LIMCH1: variants seen among roughly 807,000 people sequenced by gnomAD.
LIMCH1 encodes LIM and calponin homology domains-containing protein 1.
Under a neutral mutation model 176.5 loss-of-function variants are expected in LIMCH1, and 113 were observed. The ratio of observed to expected loss-of-function variants is 0.64; its 90% CI spans 0.55 to 0.75. The LOEUF (loss-of-function observed/expected upper bound fraction) is 0.75. LIMCH1 is among the 30% of genes least tolerant of loss of function. The pLI is 0.00. For synonymous variants in LIMCH1, 619 were observed against 645.9 expected, an observed-to-expected ratio of 0.96 and a Z score of 0.63; for missense variants, 1,674 against 1,814.9, an observed-to-expected ratio of 0.92 and a Z score of 1.41.
intron 1 of LIMCH1, chr4:41,385,934 G>T (rs1217415949): frequency 6.6e-6 from 1 of 152,254 alleles, no homozygotes; most frequent in Non-Finnish European, 1.5e-5. Flanking sequence ...AGCTGCAGGG[G>T]TTGGTGGGGG....
chr4:41,364,347 A>G (rs563312359), intron 1 of LIMCH1, among the ~76,000 whole-genome samples: 2 of 150,974 alleles, frequency 1.3e-5, no homozygotes, highest in African/African-American at 4.9e-5. Flanking sequence ...TATCATTATG[A>G]TAATTATTAC....
intron 1 of LIMCH1, among the ~76,000 whole-genome samples, chr4:41,387,448 A>T (rs2056649403): frequency 6.6e-6 from 1 of 152,266 alleles, no homozygotes; most frequent in Non-Finnish European, 1.5e-5. Context: ...GACCAAAAAA[A>T]TTATTGAATC....
At chr4:41,564,231 C>T (rs1368344699) in intron 1 of LIMCH1, among the ~76,000 whole-genome samples, 1 of 152,080 alleles carries the variant, frequency 6.6e-6, no homozygotes, top group Non-Finnish European at 1.5e-5. Context: ...GAGTAACTTG[C>T]CCAAGGTGGT....
intron 1 of LIMCH1, among the ~76,000 whole-genome samples, chr4:41,541,546 C>A (rs1249715591): frequency 6.6e-6 from 1 of 152,236 alleles, no homozygotes; most frequent in Non-Finnish European, 1.5e-5. Context: ...GTTTCCTCAC[C>A]TTTGCCAGAT....
Position 41,626,981 on chromosome 4 carries a change from C to G in LIMCH1, c.999C>G (p.Ile333Met). The change falls in exon 8 of 32, where the codon ATC becomes ATG. Residue 333 changes from isoleucine (I) to methionine (M), a missense_variant. Ile to Met is a conservative substitution (Grantham distance 10). Coordinates refer to ENST00000503057, the MANE Select transcript of LIMCH1 (RefSeq NM_001330672.2). ...SDGSKQLSKG[I>M]SKKRSLEYKR... ...GCAGCAAACAGCTCTCAAAGGGAATCTCAAAAAAAAGAAGTCTAGAATATA... is the reference window on the plus strand; with the variant it reads ...GCAGCAAACAGCTCTCAAAGGGAATGTCAAAAAAAAGAAGTCTAGAATATA... 1 of 1,532,766 alleles carries G rather than the reference C, an allele frequency of 6.5e-7. No individual in the cohort carries two copies. Among genetic ancestry groups the G allele is most frequent in the Non-Finnish European group, 8.7e-7 (1 of 1,146,178 alleles). The allele number at this position is 1,532,766 out of a possible 1,614,324, so 94.9% of individuals were successfully genotyped here. A position where few individuals can be genotyped will look rare whatever the true frequency, so the allele number is the denominator to read the frequency against.
chr4:41,611,656 A>T (rs1265364295), intron 4 of LIMCH1, among the ~76,000 whole-genome samples: 2 of 152,230 alleles, frequency 1.3e-5, no homozygotes, highest in African/African-American at 4.8e-5. Flanking sequence ...CTTCTGTAAA[A>T]TAGGGATAAT....
intron 1 of LIMCH1, among the ~76,000 whole-genome samples, chr4:41,416,810 A>G (rs1444648289): frequency 1.3e-5 from 2 of 151,836 alleles, no homozygotes; most frequent in African/African-American, 4.9e-5. Flanking sequence ...GGTCTAGGCA[A>G]ACCTATCCCC....
rs1170395958 is a variant in LIMCH1, at chr4:41,662,930, G to C, written c.3237G>C (p.Gln1079His). ...ATGATGTGTCGGAAGAAAAAGACCA[G>C]AAGAAACCAGAAAATGAAATGAGTG... ...LKNDVSEEKDQKKPENEMSGK... is the reference protein window; with the variant it reads ...LKNDVSEEKDHKKPENEMSGK... Residue 1079 changes from glutamine to histidine, a missense_variant, in exon 20 of 32, where the codon CAG becomes CAC. By Grantham distance (24) the Gln-to-His change is conservative. Coordinates refer to ENST00000503057, the MANE Select transcript of LIMCH1 (RefSeq NM_001330672.2). 8 of 1,613,898 alleles carry C rather than the reference G, an allele frequency of 5.0e-6. No homozygotes were observed. The highest frequency in any genetic ancestry group is 6.8e-6 in the Non-Finnish European group (8 of 1,179,980).
intron 1 of LIMCH1, among the ~76,000 whole-genome samples, chr4:41,427,040 C>A (rs766784386): frequency 1.3e-5 from 2 of 152,194 alleles, no homozygotes; most frequent in Non-Finnish European, 2.9e-5. Context: ...AAGAGACATA[C>A]AATTCATGTT....
chr4:41,455,430 T>C (rs2064463001), intron 1 of LIMCH1, among the ~76,000 whole-genome samples: 1 of 152,064 alleles, frequency 6.6e-6, no homozygotes, highest in African/African-American at 2.4e-5. Context: ...TTTTTACAAG[T>C]CAGAATGGGT....
intron 3 of LIMCH1, among the ~76,000 whole-genome samples, chr4:41,529,558 G>C (rs566957432): frequency 3.1e-4 from 47 of 152,218 alleles, no homozygotes; most frequent in African/African-American, 1.0e-3. Flanking sequence ...GGACATGTGG[G>C]TCCATAAAGG....
At chr4:41,604,188 TC>T in intron 3 of LIMCH1, 1 of 984,556 alleles carries the variant, frequency 1.0e-6, no homozygotes, top group Non-Finnish European at 1.2e-6. Context: ...CACAAAATGA[TC>T]AGGCTCAATA....
intron 1 of LIMCH1, among the ~76,000 whole-genome samples, chr4:41,402,132 A>T (rs1581592696): frequency 6.6e-6 from 1 of 152,210 alleles, no homozygotes; most frequent in Admixed American, 6.5e-5. Context: ...ATTTACAAGA[A>T]AAAAACAAAC....
intron 1 of LIMCH1, among the ~76,000 whole-genome samples, chr4:41,471,380 G>C (rs571624648): frequency 6.6e-6 from 1 of 152,132 alleles, no homozygotes; most frequent in East Asian, 1.9e-4. Flanking sequence ...GAGCTGGGTG[G>C]AACAATGCTT....
chr4:41,596,957 G>A (rs897653741), intron 1 of LIMCH1, among the ~76,000 whole-genome samples: 1 of 152,060 alleles, frequency 6.6e-6, no homozygotes, highest in African/African-American at 2.4e-5. Flanking sequence ...GTAGTAACTC[G>A]TCATTGTTCT....
rs143206035 is a variant in LIMCH1, at chr4:41,641,071, C to T, written c.2126+2104C>T. ...CTTGGCCCAGAAACAATTTCCAGGC[C>T]CTTGGGGTAATTCCATCCCGGCCCT... On this transcript the variant is annotated intron_variant, in intron 14 of 31. Coordinates refer to ENST00000503057, the MANE Select transcript of LIMCH1 (RefSeq NM_001330672.2). Among the ~76,000 whole-genome samples, 877 of 152,286 alleles carry T rather than the reference C, an allele frequency of 5.8e-3. 16 individuals carry two copies. Among genetic ancestry groups the T allele is most frequent in the African/African-American group, 0.02 (845 of 41,538 alleles).
chr4:41,435,199 T>C (rs1205462239), intron 1 of LIMCH1, among the ~76,000 whole-genome samples: 2 of 152,152 alleles, frequency 1.3e-5, no homozygotes, highest in African/African-American at 4.8e-5. Context: ...GTGGACCCTA[T>C]GTTACCACAG....
At chr4:41,590,942 G>T (rs1030555504) in intron 1 of LIMCH1, among the ~76,000 whole-genome samples, 4 of 152,156 alleles carry the variant, frequency 2.6e-5, no homozygotes, top group Non-Finnish European at 4.4e-5. Flanking sequence ...TAATTATGTG[G>T]TAAGTTCCTG....
intron 1 of LIMCH1, among the ~76,000 whole-genome samples, chr4:41,422,207 G>A (rs888045466): frequency 6.6e-6 from 1 of 151,902 alleles, no homozygotes; most frequent in Non-Finnish European, 1.5e-5. Context: ...TTAACAATGG[G>A]TATCACCTTA....
Sources: gnomAD v4.1 joint callset for allele counts (sites outside exome capture counted in the v4.1 genomes callset) on GRCh38, gnomAD v4.1.1 for gene constraint, MANE v1.5 for transcripts, NCBI Gene and HGNC (gene_info 2026-07-23, HGNC 2026-07-21) for gene names.